Variants in LAMP1 observed in about 807,000 individuals in gnomAD.
The protein encoded by LAMP1 is lysosome-associated membrane glycoprotein 1.
Under a neutral mutation model 37.5 loss-of-function variants are expected in LAMP1, and 7 were observed. The observed-to-expected ratio is 0.19, with a 90% CI of 0.11 to 0.35. LAMP1 has a LOEUF of 0.35. Among genes scored for constraint, LAMP1 ranks in the 10% least tolerant of loss-of-function variants. The pLI, the probability that LAMP1 is intolerant of heterozygous loss-of-function variation, is 1.00. For synonymous variants in LAMP1, 236 were observed against 229.1 expected, an observed-to-expected ratio of 1.03 and a Z score of -0.27; for missense variants, 537 against 552.8, an observed-to-expected ratio of 0.97 and a Z score of 0.29.
chr13:113,315,169 G>A (rs1335277846), intron 4 of LAMP1, among the ~76,000 whole-genome samples: 1 of 146,828 alleles, frequency 6.8e-6, no homozygotes, highest in African/African-American at 2.5e-5. Flanking sequence ...GTGTGCCTGG[G>A]GCGTGGCCTC....
chr13:113,306,722 G>C (rs1178393319), intron 2 of LAMP1, 116 bp downstream of exon 2: 1 of 1,150,036 alleles, frequency 8.7e-7, no homozygotes, highest in East Asian at 2.6e-5. Context: ...TTTCCTATCT[G>C]CATATCTCCT....
At chr13:113,299,848 G>A (rs2042561659) in intron 1 of LAMP1, among the ~76,000 whole-genome samples, 1 of 152,098 alleles carries the variant, frequency 6.6e-6, no homozygotes, top group Admixed American at 6.6e-5. Context: ...ACAGCCATGA[G>A]CCACCGTGCC....
intron 4 of LAMP1, among the ~76,000 whole-genome samples, chr13:113,312,029 G>C (rs1362062623): frequency 6.6e-6 from 1 of 152,188 alleles, no homozygotes; most frequent in Non-Finnish European, 1.5e-5. Context: ...AGACATCACA[G>C]CCTTCTCTAA....
intron 1 of LAMP1, among the ~76,000 whole-genome samples, chr13:113,304,241 C>T (rs1338562049): frequency 6.6e-6 from 1 of 152,184 alleles, no homozygotes; most frequent in Non-Finnish European, 1.5e-5. Flanking sequence ...TATGGCTGCT[C>T]CCATGTGGGC....
rs1277146929 is a variant in LAMP1, at chr13:113,297,394, C to T, written c.-41C>T. The T allele has an allele frequency of 1.7e-6, 1 of 579,472 alleles. No homozygotes were observed. The highest frequency in any genetic ancestry group is 2.4e-6 in the Non-Finnish European group (1 of 410,522). 35.9% of individuals were successfully genotyped at this position (579,472 alleles called of 1,614,324 possible). On this transcript the variant is annotated 5_prime_UTR_variant, in exon 1 of 9. Coordinates refer to ENST00000332556, the MANE Select transcript of LAMP1 (RefSeq NM_005561.4). The surrounding 1 kb of genome is among the most constrained non-coding windows in gnomAD (Gnocchi z 4.4). ...GGCAGTCCGCGGCCCAACCGCCGCC[C>T]GCGCCCCCGCTCCCCGCACCGTACC...
intron 1 of LAMP1, among the ~76,000 whole-genome samples, chr13:113,302,187 G>A (rs1331156931): frequency 1.3e-5 from 2 of 150,794 alleles, no homozygotes; most frequent in Admixed American, 1.3e-4. Context: ...TTAATAAATT[G>A]TTTTTTCTTC....
intron 1 of LAMP1, among the ~76,000 whole-genome samples, chr13:113,301,753 A>ATT (rs1212809893): frequency 6.9e-6 from 1 of 145,292 alleles, no homozygotes; most frequent in Admixed American, 7.0e-5. Flanking sequence ...CTGGGATGGT[A>ATT]TTTTTTTCCT....
chr13:113,315,508 GC>G (rs1321340750), intron 4 of LAMP1, among the ~76,000 whole-genome samples: 3 of 144,334 alleles, frequency 2.1e-5, no homozygotes, highest in African/African-American at 7.7e-5. Context: ...TCCTCCCTCA[GC>G]CTCCTGAGTA....
At chr13:113,315,964 G>C (rs1281547222) in intron 4 of LAMP1, among the ~76,000 whole-genome samples, 1 of 152,112 alleles carries the variant, frequency 6.6e-6, no homozygotes, top group Non-Finnish European at 1.5e-5. Flanking sequence ...TTAGTCGGGC[G>C]TGGTGGCAGG....
chr13:113,323,633 A>G lies in LAMP1; in HGVS notation c.*1212A>G, dbSNP rs529050111. On this transcript the variant is annotated 3_prime_UTR_variant, in exon 9 of 9. Transcript: ENST00000332556. ...TTGTCTGGTTCATTCATGTAACATG[A>G]TAATTTTTAAATCATTAAAAAAATT... The G allele has an allele frequency of 2.8e-4, 42 of 152,108 alleles. No individual in the cohort carries two copies. The highest frequency in any genetic ancestry group is 1.0e-3 in the African/African-American group (42 of 41,460). 9.4% of individuals were successfully genotyped at this position (152,108 alleles called of 1,614,324 possible).
At position 113,322,345 on chromosome 13, in the gene LAMP1, C is replaced by T. The variant is rs755522116; in HGVS notation, c.1178C>T (p.Ala393Val). The T allele has an allele frequency of 1.9e-5, 30 of 1,607,390 alleles. No homozygotes were observed. The highest frequency in any genetic ancestry group is 8.9e-5 in the South Asian group (8 of 90,166). Reference protein sequence around the residue: ...LIPIAVGGALAGLVLIVLIAY... With the variant: ...LIPIAVGGALVGLVLIVLIAY... ...CCCATCGCTGTGGGTGGTGCCCTGG[C>T]GGGGCTGGTCCTCATCGTCCTCATC... The change falls in exon 9 of 9, where the codon GCG becomes GTG. Residue 393 changes from alanine to valine, a missense_variant. Ala to Val is a moderately conservative substitution (Grantham distance 64). Coordinates refer to ENST00000332556, the MANE Select transcript of LAMP1 (RefSeq NM_005561.4).
At chr13:113,319,294 T>A (rs2042683984) in intron 4 of LAMP1, among the ~76,000 whole-genome samples, 175 bp from the exon 5 acceptor site, 1 of 152,186 alleles carries the variant, frequency 6.6e-6, no homozygotes, top group African/African-American at 2.4e-5. Context: ...AGGACCCAGC[T>A]CTTTCCTGCG....
chr13:113,297,405 TCCCCG>T lies in LAMP1; in HGVS notation c.-28_-24del. The stretch of plus-strand genomic sequence containing the variant: ...GCCCAACCGCCGCCCGCGCCCCCGC[TCCCCG>T]CACCGTACCCGGCCGCCTCGCGCCA... On this transcript the variant is annotated 5_prime_UTR_variant, in exon 1 of 9. Transcript: ENST00000332556. The surrounding 1 kb of genome is among the most constrained non-coding windows in gnomAD (Gnocchi z 4.4). 4 of 713,796 alleles carry T rather than the reference TCCCCG, an allele frequency of 5.6e-6. No homozygotes were observed. The highest frequency in any genetic ancestry group is 7.7e-6 in the Non-Finnish European group (4 of 517,872). The allele number at this position is 713,796 out of a possible 1,614,324, so 44.2% of individuals were successfully genotyped here.
rs1024915407 is a variant in LAMP1, at chr13:113,320,599, A to G, written c.876+129A>G. The G allele has an allele frequency of 1.9e-5, 18 of 942,646 alleles. No homozygotes were observed. In the African/African-American group the frequency reaches 2.3e-4, roughly 12 times the overall value. 58.4% of individuals were successfully genotyped at this position (942,646 alleles called of 1,614,324 possible). A position where few individuals can be genotyped will look rare whatever the true frequency, so the allele number is the denominator to read the frequency against. The stretch of plus-strand genomic sequence containing the variant: ...CCTCACTTTTTTCTGCCTTCCCTTT[A>G]TCCTGGGCTTTTTAGTTCCTTGGTT... On this transcript the variant is annotated intron_variant, in intron 6 of 8. Coordinates refer to ENST00000332556, the MANE Select transcript of LAMP1 (RefSeq NM_005561.4). This position sits in a 1 kb window ranked among gnomAD's most constrained non-coding sequence, Gnocchi z 4.4.
chr13:113,320,264 C>T lies in LAMP1; in HGVS notation c.751-81C>T. ...GTTAAAACAAATGTGGCCTTGAATT[C>T]ACGGTTTCAGGACTGTTTGTCTTTT... On this transcript the variant is annotated intron_variant, in intron 5 of 8. Transcript: ENST00000332556. The surrounding 1 kb of genome is among the most constrained non-coding windows in gnomAD (Gnocchi z 4.4). 1 of 1,543,480 alleles carries T rather than the reference C, an allele frequency of 6.5e-7. No homozygotes were observed. Among genetic ancestry groups the T allele is most frequent in the Non-Finnish European group, 8.9e-7 (1 of 1,122,064 alleles).
intron 4 of LAMP1, among the ~76,000 whole-genome samples, chr13:113,315,742 A>T (rs542356175): frequency 4.6e-5 from 7 of 152,036 alleles, no homozygotes; most frequent in Non-Finnish European, 7.4e-5. Flanking sequence ...AAGGAAATGA[A>T]GCACAAGCCA....
chr13:113,317,637 T>C (rs1479927967), intron 4 of LAMP1, among the ~76,000 whole-genome samples: 1 of 152,118 alleles, frequency 6.6e-6, no homozygotes, highest in Non-Finnish European at 1.5e-5. Context: ...GTTTTGCACA[T>C]TTAACTTTTG....
rs1364252872 is a variant in LAMP1 at position 113,306,545 on chromosome 13, G to C, written c.122G>C (p.Cys41Ser). 6.2e-7 allele frequency: 1 copy of C among 1,613,984 alleles called. No homozygotes were observed. The highest frequency in any genetic ancestry group is 8.5e-7 in the Non-Finnish European group (1 of 1,179,988). ...FMVKNGNGTA[C>S]IMANFSAAFS... is the part of the protein sequence containing the mutation. ...GTGAAAAATGGCAACGGGACCGCGT[G>C]CATAATGGCCAACTTCTCTGCTGCC... Residue 41 changes from cysteine (C) to serine (S), a missense_variant, in exon 2 of 9, where the codon TGC (cysteine) becomes TCC (serine). By Grantham distance (112) the Cys-to-Ser change is moderately radical. Transcript: ENST00000332556.
At chr13:113,305,556 A>T (rs1350543620) in intron 1 of LAMP1, 1 of 152,200 alleles carries the variant, frequency 6.6e-6, no homozygotes, top group Non-Finnish European at 1.5e-5. Flanking sequence ...TAAGTCAGAG[A>T]GGAAATATTT....
Sources: gnomAD v4.1 joint callset for allele counts (sites outside exome capture counted in the v4.1 genomes callset) on GRCh38, gnomAD v4.1.1 for gene constraint, Gnocchi (gnomAD v3.1) non-coding constraint, MANE v1.5 for transcripts, NCBI Gene and HGNC (gene_info 2026-07-23, HGNC 2026-07-21) for gene names.